The following XPO4 variants were observed in gnomAD, a reference collection of about 807,000 sequenced individuals.
XPO4 encodes exportin-4.
XPO4 carries 39 observed loss-of-function variants against 143.0 expected under a neutral mutation model. The observed-to-expected ratio is 0.27, with a 90% CI of 0.21 to 0.36. The LOEUF is 0.36. XPO4 is among the 10% of genes least tolerant of loss of function. The probability of loss-of-function intolerance (pLI) is 1.00; values close to 1 mark genes in which losing one functional copy is unlikely to be tolerated. For missense variants in XPO4, 907 were observed against 1,348.0 expected (o/e 0.67, Z 5.12); for synonymous variants, 439 against 474.0 (o/e 0.93, Z 0.96).
intron 6 of XPO4, among the ~76,000 whole-genome samples, chr13:20,833,577 A>G (rs1222640652): frequency 2.6e-5 from 4 of 152,166 alleles, no homozygotes; most frequent in African/African-American, 7.2e-5. Context: ...TTTTTTAGTT[A>G]TAATATTTTT....
At chr13:20,877,063 C>T (rs932722966) in intron 1 of XPO4, among the ~76,000 whole-genome samples, 8 of 152,150 alleles carry the variant, frequency 5.3e-5, no homozygotes, top group African/African-American at 1.7e-4. Context: ...CTGATTGGTG[C>T]ATTTACAATC....
intron 4 of XPO4, chr13:20,852,732 A>G: frequency 2.0e-6 from 2 of 980,186 alleles, no homozygotes; most frequent in Middle Eastern, 5.3e-4. Flanking sequence ...TTATATACAT[A>G]TATTAAAAAA....
At chr13:20,845,460 T>G (rs1455437152) in intron 4 of XPO4, among the ~76,000 whole-genome samples, 1 of 152,218 alleles carries the variant, frequency 6.6e-6, no homozygotes, top group Admixed American at 6.5e-5. Flanking sequence ...AATATAAAAA[T>G]GTCCCTTCCT....
chr13:20,842,421 G>A (rs2059985714), intron 6 of XPO4, among the ~76,000 whole-genome samples: 1 of 151,952 alleles, frequency 6.6e-6, no homozygotes, highest in Non-Finnish European at 1.5e-5. Context: ...ACTGGTAAAG[G>A]CCCTTGAAGA....
At chr13:20,848,341 T>C (rs1195096391) in intron 4 of XPO4, 2 of 985,288 alleles carry the variant, frequency 2.0e-6, no homozygotes, top group Non-Finnish European at 2.4e-6. Context: ...AGTCCAAGAT[T>C]TCCTTCTTCA....
chr13:20,878,641 G>A (rs993025327), intron 1 of XPO4, among the ~76,000 whole-genome samples: 1 of 152,182 alleles, frequency 6.6e-6, no homozygotes, highest in Admixed American at 6.5e-5. Flanking sequence ...ACATTTGCGG[G>A]AAGAGTATAA....
chr13:20,899,087 C>A (rs2060595407), intron 1 of XPO4, among the ~76,000 whole-genome samples: 1 of 152,026 alleles, frequency 6.6e-6, no homozygotes, highest in South Asian at 2.1e-4. Context: ...ACAACAGAGA[C>A]CCTGTCTCAA....
Position 20,889,396 on chromosome 13 carries a change from A to G in XPO4, c.69+13274T>C, listed in dbSNP as rs1471665683. 2.0e-5 allele frequency among the ~76,000 whole-genome samples: 3 copies of G among 152,320 alleles called. No individual in the cohort carries two copies. In the South Asian group the frequency reaches 6.2e-4, roughly 32 times the overall value. ...AGTCTTCAGATGATGATGTTATATCAGTGGTTCTTAATTTAGGTAATTTTG... is the reference window on the plus strand; with the variant it reads ...AGTCTTCAGATGATGATGTTATATCGGTGGTTCTTAATTTAGGTAATTTTG... On this transcript the variant is annotated intron_variant, in intron 1 of 22. Transcript: ENST00000255305.
chr13:20,887,502 A>G (rs2060472143), intron 1 of XPO4, among the ~76,000 whole-genome samples: 1 of 152,240 alleles, frequency 6.6e-6, no homozygotes, highest in Non-Finnish European at 1.5e-5. Context: ...TAATGACGAT[A>G]ATAATATACA....
chr13:20,832,044 A>T (rs1480360309), intron 6 of XPO4, among the ~76,000 whole-genome samples: 2 of 152,200 alleles, frequency 1.3e-5, no homozygotes, highest in African/African-American at 4.8e-5. Flanking sequence ...AATCCTATCT[A>T]GCTCTAAAAT....
chr13:20,828,098 A>T (rs530513550), intron 6 of XPO4, among the ~76,000 whole-genome samples: 2 of 152,152 alleles, frequency 1.3e-5, no homozygotes, highest in African/African-American at 2.4e-5. Context: ...TTAGCTGGGC[A>T]TGGTGGCAGG....
At chr13:20,809,699 T>A (rs1459315771) in intron 10 of XPO4, 92 bp downstream of exon 10, 1 of 1,364,616 alleles carries the variant, frequency 7.3e-7, no homozygotes, top group Non-Finnish European at 9.7e-7. Context: ...AGGGAACCCA[T>A]CCTAAATTTC....
intron 4 of XPO4, among the ~76,000 whole-genome samples, chr13:20,846,757 T>G (rs2138072797): frequency 6.6e-6 from 1 of 152,270 alleles, no homozygotes; most frequent in South Asian, 2.1e-4. Flanking sequence ...GCTTTCCAAT[T>G]TTTTGATGCA....
intron 1 of XPO4, among the ~76,000 whole-genome samples, chr13:20,893,772 A>AC (rs1478801086): frequency 6.6e-6 from 1 of 151,964 alleles, no homozygotes; most frequent in East Asian, 1.9e-4. Context: ...GTCTCAAAAA[A>AC]AAAAAAAAAG....
chr13:20,800,387 C>CA (rs2059416328), intron 14 of XPO4, 62 bp from the exon 15 acceptor site: 2 of 1,450,726 alleles, frequency 1.4e-6, no homozygotes, highest in South Asian at 2.6e-5. Flanking sequence ...AAAAAAAAAA[C>CA]AGAGAAAAAT....
At chr13:20,883,754 CGTATT>C (rs1169358941) in intron 1 of XPO4, among the ~76,000 whole-genome samples, 1 of 151,962 alleles carries the variant, frequency 6.6e-6, no homozygotes. Flanking sequence ...ATGGAGTAAA[CGTATT>C]GTATTGGGTT....
chr13:20,830,785 C>G (rs2059843357), intron 6 of XPO4, among the ~76,000 whole-genome samples: 1 of 152,104 alleles, frequency 6.6e-6, no homozygotes, highest in Non-Finnish European at 1.5e-5. Flanking sequence ...GCTGAAGTTG[C>G]TGCCCCGAAT....
At chr13:20,852,013 T>C in intron 4 of XPO4, 2 of 985,392 alleles carry the variant, frequency 2.0e-6, no homozygotes, top group South Asian at 4.7e-5. Context: ...CCCAAGTATG[T>C]GCTCATTCCT....
At chr13:20,858,050 ATTCTACAAGATACAAATATC>A (rs2060161455) in intron 3 of XPO4, 1 of 862,830 alleles carries the variant, frequency 1.2e-6, no homozygotes, top group African/African-American at 1.8e-5. Context: ...ACTGTAGGGC[ATTCTACAAGATACAAATATC>A]TGTGTCATGA....
Sources: allele counts gnomAD v4.1 joint callset (sites outside exome capture counted in the v4.1 genomes callset), GRCh38; gene constraint gnomAD v4.1.1; transcripts MANE v1.5; gene names NCBI Gene and HGNC (gene_info 2026-07-23, HGNC 2026-07-21).